SEMA3C: variants seen among roughly 807,000 people sequenced by gnomAD.
SEMA3C encodes the protein semaphorin 3C.
In SEMA3C, 47 loss-of-function variants were observed where a neutral mutation model predicts 89.4. The ratio of observed to expected loss-of-function variants is 0.53; its 90% CI spans 0.42 to 0.67. The LOEUF is 0.67. SEMA3C is among the 30% of genes least tolerant of loss of function. The pLI is 0.00. For missense variants in SEMA3C, 839 were observed against 929.1 expected, an observed-to-expected ratio of 0.90 and a Z score of 1.26; for synonymous variants, 310 against 320.2, an observed-to-expected ratio of 0.97 and a Z score of 0.34.
intron 2 of SEMA3C, among the ~76,000 whole-genome samples, chr7:80,879,136 C>T (rs1242480525): frequency 6.6e-6 from 1 of 151,996 alleles, no homozygotes; most frequent in Non-Finnish European, 1.5e-5. Context: ...TACAGAAATG[C>T]AGCCAAAGTG....
At chr7:80,828,832 C>T in intron 2 of SEMA3C, 87 bp from the exon 3 acceptor site, 1 of 1,000,482 alleles carries the variant, frequency 1.0e-6, no homozygotes, top group Non-Finnish European at 1.4e-6. Context: ...GCAAATATTC[C>T]AAAAAATGTC....
intron 11 of SEMA3C, among the ~76,000 whole-genome samples, chr7:80,797,751 G>A (rs758623415): frequency 6.6e-6 from 1 of 152,252 alleles, no homozygotes; most frequent in Middle Eastern, 3.4e-3. Context: ...TGTAATCCAA[G>A]CACTTTGGGA....
rs528533268 is a variant in SEMA3C at position 80,872,794 on chromosome 7, T to A, written c.103+43885A>T. Reference sequence around the variant, plus strand: ...CCAGCCTGGCAACAGAGCGAGACTCTGTCAAAAAAAAAAAAAAAAAAAAAA... The same window carrying A: ...CCAGCCTGGCAACAGAGCGAGACTCAGTCAAAAAAAAAAAAAAAAAAAAAA... On this transcript the variant is annotated intron_variant, in intron 2 of 17. Coordinates refer to ENST00000265361, the MANE Select transcript of SEMA3C (RefSeq NM_006379.5). Among the ~76,000 whole-genome samples, 3 of 120,380 alleles carry A rather than the reference T, an allele frequency of 2.5e-5. No individual in the cohort carries two copies. In the Admixed American group the frequency reaches 2.7e-4, roughly 11 times the overall value. 79.0% of individuals were successfully genotyped at this position (120,380 alleles called of 152,430 possible).
chr7:80,860,152 A>C (rs1483381728), intron 2 of SEMA3C, among the ~76,000 whole-genome samples: 1 of 152,144 alleles, frequency 6.6e-6, no homozygotes, highest in Non-Finnish European at 1.5e-5. Flanking sequence ...TTCAGCAATA[A>C]TACTATTTCC....
At chr7:80,804,365 A>T (rs1489457370) in intron 7 of SEMA3C, 117 bp from the exon 8 acceptor site, 1 of 571,600 alleles carries the variant, frequency 1.7e-6, no homozygotes, top group African/African-American at 1.9e-5. Flanking sequence ...ACAATTCAAC[A>T]TTTACAGGCA....
chr7:80,792,347 T>C (rs909069299), intron 11 of SEMA3C, among the ~76,000 whole-genome samples: 1 of 152,234 alleles, frequency 6.6e-6, no homozygotes, highest in Non-Finnish European at 1.5e-5. Flanking sequence ...GAGCAATGCA[T>C]GGGTAATTTA....
intron 2 of SEMA3C, among the ~76,000 whole-genome samples, chr7:80,833,771 ATT>A (rs373854045): frequency 3.4e-5 from 5 of 146,898 alleles, no homozygotes; most frequent in African/African-American, 1.2e-4. Context: ...AGAAACGACC[ATT>A]TTTTTTTTTT....
chr7:80,758,626 AG>A (rs1346726631), intron 14 of SEMA3C, 138 bp from the exon 15 acceptor site: 1 of 822,692 alleles, frequency 1.2e-6, no homozygotes, highest in African/African-American at 1.7e-5. Context: ...AAAGCACAGA[AG>A]GGTATGAAGC....
intron 2 of SEMA3C, among the ~76,000 whole-genome samples, chr7:80,832,598 G>C (rs189035049): frequency 9.4e-4 from 143 of 152,058 alleles, no homozygotes; most frequent in Middle Eastern, 3.4e-3. Context: ...GGCTTATTGA[G>C]TCTTAAAAAC....
At chr7:80,893,990 A>C (rs1791675527) in intron 2 of SEMA3C, among the ~76,000 whole-genome samples, 1 of 152,180 alleles carries the variant, frequency 6.6e-6, no homozygotes, top group South Asian at 2.1e-4. Context: ...TCTACAACTC[A>C]CTTGAATTTT....
intron 2 of SEMA3C, among the ~76,000 whole-genome samples, chr7:80,899,432 T>G (rs1257890477): frequency 6.6e-6 from 1 of 152,204 alleles, no homozygotes; most frequent in Non-Finnish European, 1.5e-5. Context: ...TGACATATTG[T>G]TAGAAAGATA....
intron 4 of SEMA3C, among the ~76,000 whole-genome samples, chr7:80,820,445 T>C (rs1789720341): frequency 6.6e-6 from 1 of 152,134 alleles, no homozygotes. Context: ...GAAGTTAAAA[T>C]TAAAGTCAAT....
In SEMA3C at chr7:80,793,572, TAAAC is replaced by T. The variant is rs142871562; in HGVS notation, c.1132-4048_1132-4045del. The T allele has an allele frequency of 2.5e-3, 1,029 of 409,018 alleles. 10 individuals are homozygous for T. The highest frequency in any genetic ancestry group is 0.02 in the African/African-American group (935 of 47,942). 25.3% of individuals were successfully genotyped at this position (409,018 alleles called of 1,614,324 possible). ...GTAATAATTTGAAACAAATGTAAGATAAACAATCAATTTTGGTTTAGGATCAATT... is the reference window on the plus strand; with the variant it reads ...GTAATAATTTGAAACAAATGTAAGATAATCAATTTTGGTTTAGGATCAATT... On this transcript the variant is annotated intron_variant, in intron 11 of 17. Transcript: ENST00000265361.
chr7:80,866,982 A>G (rs1164535260), intron 2 of SEMA3C, among the ~76,000 whole-genome samples: 1 of 152,220 alleles, frequency 6.6e-6, no homozygotes, highest in Non-Finnish European at 1.5e-5. Context: ...AAGAAAGTTG[A>G]GCAAGTTTTA....
At chr7:80,873,884 T>G (rs879812007) in intron 2 of SEMA3C, among the ~76,000 whole-genome samples, 3 of 152,206 alleles carry the variant, frequency 2.0e-5, no homozygotes, top group African/African-American at 7.2e-5. Flanking sequence ...CACTGTGCTC[T>G]GGCCTCTCCT....
At chr7:80,869,176 C>T (rs1252620148) in intron 2 of SEMA3C, among the ~76,000 whole-genome samples, 1 of 152,166 alleles carries the variant, frequency 6.6e-6, no homozygotes, top group Non-Finnish European at 1.5e-5. Flanking sequence ...TAGAATACCT[C>T]CCTACTCCTC....
At chr7:80,769,414 AC>A (rs1788376108) in intron 12 of SEMA3C, among the ~76,000 whole-genome samples, 1 of 152,210 alleles carries the variant, frequency 6.6e-6, no homozygotes, top group Non-Finnish European at 1.5e-5. Flanking sequence ...AAATGAGACA[AC>A]TGACTCCATA....
intron 10 of SEMA3C, among the ~76,000 whole-genome samples, chr7:80,800,152 C>CAAACAA (rs1789167061): frequency 1.2e-4 from 7 of 58,398 alleles, no homozygotes; most frequent in Admixed American, 1.2e-3. Flanking sequence ...GACTCCATCT[C>CAAACAA]AAAAAAAAAA....
At chr7:80,753,074 A>G (rs764382774) in intron 15 of SEMA3C, among the ~76,000 whole-genome samples, 9 of 152,222 alleles carry the variant, frequency 5.9e-5, no homozygotes, top group Non-Finnish European at 1.0e-4. Flanking sequence ...TCATGTACAC[A>G]ATGGACTGTA....
Sources: allele counts gnomAD v4.1 joint callset (sites outside exome capture counted in the v4.1 genomes callset), GRCh38; gene constraint gnomAD v4.1.1; transcripts MANE v1.5; gene names NCBI Gene and HGNC (gene_info 2026-07-23, HGNC 2026-07-21).